Variants in ETFDH observed in about 807,000 individuals in gnomAD.
ETFDH encodes the protein electron transfer flavoprotein dehydrogenase, also known as electron transfer flavoprotein-ubiquinone oxidoreductase, mitochondrial.
ETFDH carries 61 observed loss-of-function variants against 73.2 expected under a neutral mutation model. The ratio of observed to expected loss-of-function variants is 0.83; its 90% CI spans 0.68 to 1.03. The LOEUF is 1.03. ETFDH is among the 50% of genes least tolerant of loss of function. The pLI is 0.00. For synonymous variants in ETFDH, 243 were observed against 253.3 expected, an observed-to-expected ratio of 0.96 and a Z score of 0.39; for missense variants, 685 against 745.0, an observed-to-expected ratio of 0.92 and a Z score of 0.94.
chr4:158,672,613 A>G (rs1773603818), intron 1 of ETFDH, 123 bp downstream of exon 1: 1 of 1,008,182 alleles, frequency 9.9e-7, no homozygotes, highest in Non-Finnish European at 1.6e-6. Context: ...TATCTAGGGC[A>G]AAGGTCACGC....
intron 3 of ETFDH, 63 bp from the exon 4 acceptor site, chr4:158,684,529 G>T: frequency 2.2e-6 from 2 of 919,678 alleles, no homozygotes; most frequent in South Asian, 1.4e-5. Context: ...TAGTTTTTTT[G>T]TATTTATATT....
At chr4:158,685,348 A>G in intron 5 of ETFDH, 129 bp downstream of exon 5, 1 of 658,108 alleles carries the variant, frequency 1.5e-6, no homozygotes, top group African/African-American at 1.8e-5. Context: ...TAAGATTAGA[A>G]GGAATCTTTA....
In ETFDH at chr4:158,709,019, T is replaced by TTGTGTGTGTGTGTGTG. The variant is rs55861035; in HGVS notation, c.*516_*531dup. ...GAAGTATGCCCATCCCTGAACAAGT[T>TTGTGTGTGTGTGTGTG]TGTGTGTGTGTGTGTGTGTGTGTGT... On this transcript the variant is annotated 3_prime_UTR_variant, in exon 13 of 13. Coordinates refer to ENST00000511912, the MANE Select transcript of ETFDH (RefSeq NM_004453.4). 0.012 allele frequency: 1,804 copies of TTGTGTGTGTGTGTGTG among 150,616 alleles called. 20 individuals carry two copies. The highest frequency in any genetic ancestry group is 0.017 in the Non-Finnish European group (1,187 of 70,122). 9.3% of individuals were successfully genotyped at this position (150,616 alleles called of 1,614,324 possible).
At position 158,708,111 on chromosome 4, in the gene ETFDH, TCAAA is replaced by T. The variant is rs571950592; in HGVS notation, c.1691-250_1691-247del. On this transcript the variant is annotated intron_variant, in intron 12 of 12. Transcript: ENST00000511912. Reference sequence around the variant, plus strand: ...GGAGGACTTCGAGGTTGTGTGGAACTCAAACACTCAGTGTCGAGTACCCTTGATA... The same window carrying T: ...GGAGGACTTCGAGGTTGTGTGGAACTCACTCAGTGTCGAGTACCCTTGATA... Among the ~76,000 whole-genome samples the T allele has an allele frequency of 1.0e-3, 156 of 152,318 alleles. 2 individuals are homozygous for T. The highest frequency in any genetic ancestry group is 1.4e-3 in the Non-Finnish European group (93 of 68,028).
At chr4:158,686,589 G>C (rs988163397) in intron 5 of ETFDH, among the ~76,000 whole-genome samples, 1 of 152,196 alleles carries the variant, frequency 6.6e-6, no homozygotes, top group African/African-American at 2.4e-5. Flanking sequence ...CCTCTGGAGT[G>C]AGAGTTTTCA....
intron 10 of ETFDH, among the ~76,000 whole-genome samples, chr4:158,705,278 A>T (rs779513720): frequency 6.6e-6 from 1 of 152,136 alleles, no homozygotes; most frequent in Non-Finnish European, 1.5e-5. Flanking sequence ...GGTCTCTGCA[A>T]TCTCAAATTC....
chr4:158,700,983 ACTGT>A (rs1396927102), intron 9 of ETFDH: 1 of 152,212 alleles, frequency 6.6e-6, no homozygotes, highest in African/African-American at 2.4e-5. Context: ...GCTAACAAAT[ACTGT>A]CTAACTTTTT....
At chr4:158,694,462 C>T (rs550245590) in intron 6 of ETFDH, among the ~76,000 whole-genome samples, 6 of 151,800 alleles carry the variant, frequency 4.0e-5, no homozygotes, top group Non-Finnish European at 5.9e-5. Context: ...GGCTTGGTGG[C>T]GGGTGCCTGT....
rs1450052607 is a variant in ETFDH at position 158,690,344 on chromosome 4, T to G, written c.607-4T>G. 1 of 1,552,356 alleles carries G rather than the reference T, an allele frequency of 6.4e-7. No individual in the cohort carries two copies. The highest frequency in any genetic ancestry group is 8.9e-7 in the Non-Finnish European group (1 of 1,123,776). On this transcript the variant is annotated splice_polypyrimidine_tract_variant and splice_region_variant and intron_variant, in intron 5 of 12. Coordinates refer to ENST00000511912, the MANE Select transcript of ETFDH (RefSeq NM_004453.4). ...TTAATAAATTTGTTTTTTATCATTT[T>G]TAGGTCCTTTTTCATGATGATGGTA...
chr4:158,706,759 G>A lies in ETFDH; in HGVS notation c.1599G>A (p.Gln533=). 6.2e-7 allele frequency: 1 copy of A among 1,613,816 alleles called. No homozygotes were observed. The highest frequency in any genetic ancestry group is 2.2e-5 in the East Asian group (1 of 44,862). The part of the protein sequence containing the change: ...ALSGTNHEHD[Q]PAHLTLRDDS... ...GTGGTACTAATCATGAACATGACCA[G>A]CCGGCACACTTAACCTTAAGGGATG... The change falls in exon 12 of 13, where the codon CAG becomes CAA. Residue 533 remains glutamine (Q), a synonymous_variant. Transcript: ENST00000511912.
chr4:158,687,149 T>G lies in ETFDH; in HGVS notation c.606+1930T>G, dbSNP rs965546051. Among the ~76,000 whole-genome samples, 4 of 152,306 alleles carry G rather than the reference T, an allele frequency of 2.6e-5. No homozygotes were observed. In the East Asian group the frequency reaches 7.7e-4, roughly 29 times the overall value. The stretch of plus-strand genomic sequence containing the variant: ...CTGACAGAAGCCTGTCCAAGTTTAT[T>G]GACAGACTTCAGTCATTCTTCCTGC... On this transcript the variant is annotated intron_variant, in intron 5 of 12. Coordinates refer to ENST00000511912, the MANE Select transcript of ETFDH (RefSeq NM_004453.4).
intron 6 of ETFDH, among the ~76,000 whole-genome samples, chr4:158,692,616 T>C (rs1055760609): frequency 1.7e-4 from 26 of 151,916 alleles, no homozygotes; most frequent in African/African-American, 6.3e-4. Context: ...TAAAAGAATA[T>C]GGTTTTTCAT....
chr4:158,689,594 T>TCA, intron 5 of ETFDH, among the ~76,000 whole-genome samples: 1 of 46,388 alleles, frequency 2.2e-5, no homozygotes, highest in African/African-American at 1.2e-4. Flanking sequence ...AATAAAACCT[T>TCA]CATATATATA....
At chr4:158,675,221 A>G (rs991330784) in intron 1 of ETFDH, among the ~76,000 whole-genome samples, 2 of 152,218 alleles carry the variant, frequency 1.3e-5, no homozygotes, top group Admixed American at 6.5e-5. Context: ...AGCCTTAGAC[A>G]ACAGTTAATC....
intron 12 of ETFDH, among the ~76,000 whole-genome samples, chr4:158,708,127 G>A (rs150447452): frequency 3.3e-4 from 50 of 152,228 alleles, no homozygotes; most frequent in African/African-American, 1.2e-3. Flanking sequence ...ACTCAGTGTC[G>A]AGTACCCTTG....
At chr4:158,672,587 ATC>A in intron 1 of ETFDH, 97 bp downstream of exon 1, 5 of 1,254,302 alleles carry the variant, frequency 4.0e-6, no homozygotes, top group Non-Finnish European at 5.9e-6. Context: ...CCCTTCTCTC[ATC>A]AGCTTTCTCA....
intron 1 of ETFDH, among the ~76,000 whole-genome samples, chr4:158,672,755 AACAC>A (rs1367410884): frequency 6.6e-6 from 1 of 151,936 alleles, no homozygotes; most frequent in Non-Finnish European, 1.5e-5. Flanking sequence ...ACCACCTGTC[AACAC>A]ACACACACCT....
At chr4:158,700,554 C>T (rs1192295340) in intron 9 of ETFDH, 2 of 101,796 alleles carry the variant, frequency 2.0e-5, no homozygotes, top group Non-Finnish European at 4.1e-5. Context: ...CCCCTCCCCC[C>T]ACCACACACA....
chr4:158,696,501 A>G (rs142243192), intron 7 of ETFDH, among the ~76,000 whole-genome samples: 165 of 151,926 alleles, frequency 1.1e-3, no homozygotes, highest in African/African-American at 3.7e-3. Flanking sequence ...GTGAGATCCT[A>G]TCTCTAAAAA....
Sources: allele counts gnomAD v4.1 joint callset (sites outside exome capture counted in the v4.1 genomes callset), GRCh38; gene constraint gnomAD v4.1.1; transcripts MANE v1.5; gene names NCBI Gene and HGNC (gene_info 2026-07-23, HGNC 2026-07-21).